The following SCOC variants were observed in gnomAD, a reference collection of about 807,000 sequenced individuals.
SCOC encodes short coiled-coil protein, also known as short coiled coil protein.
Under a neutral mutation model 9.9 loss-of-function variants are expected in SCOC, and 7 were observed. The observed-to-expected ratio is 0.71, with a 90% confidence interval of 0.40 to 1.33. The LOEUF is 1.33. Ranked by LOEUF, SCOC falls within the 40% of genes most tolerant of loss-of-function variation. The pLI, the probability that SCOC is intolerant of heterozygous loss-of-function variation, is 0.01. For missense variants in SCOC, 66 were observed against 89.7 expected (o/e 0.74, Z 1.07); for synonymous variants, 19 against 28.2 (o/e 0.67, Z 1.03).
At chr4:140,344,918 T>C (rs1374312731) in intron 2 of SCOC, among the ~76,000 whole-genome samples, 3 of 152,192 alleles carry the variant, frequency 2.0e-5, no homozygotes, top group Non-Finnish European at 4.4e-5. Flanking sequence ...TTTTTCTGCA[T>C]GGGCTGAGCC....
upstream of SCOC, among the ~76,000 whole-genome samples, chr4:140,340,029 T>C (rs1463940636): frequency 6.6e-6 from 1 of 152,174 alleles, no homozygotes; most frequent in African/African-American, 2.4e-5. Context: ...CTATTCACAA[T>C]GGTAAAGACT....
At chr4:140,346,132 G>C (rs970527673) in intron 2 of SCOC, among the ~76,000 whole-genome samples, 8 of 152,128 alleles carry the variant, frequency 5.3e-5, no homozygotes, top group African/African-American at 1.9e-4. Context: ...TCATCTTACA[G>C]TTTCTGCATG....
intron 2 of SCOC, chr4:140,366,298 CT>C: frequency 1.4e-6 from 2 of 1,442,854 alleles, no homozygotes; most frequent in East Asian, 2.4e-5. Context: ...CCCTTCTGAG[CT>C]TTTGGAGGAG....
At chr4:140,371,810 C>A (rs1728069221), upstream of SCOC, among the ~76,000 whole-genome samples, 1 of 152,188 alleles carries the variant, frequency 6.6e-6, no homozygotes, top group South Asian at 2.1e-4. Flanking sequence ...CATTTGCACA[C>A]CCATGTCCAT....
At chr4:140,336,948 G>A (rs1732973999) in intron 1 of SCOC, among the ~76,000 whole-genome samples, 1 of 152,118 alleles carries the variant, frequency 6.6e-6, no homozygotes, top group Non-Finnish European at 1.5e-5. Context: ...GGTATAAAGT[G>A]GTAGCTTATT....
intron 1 of SCOC, among the ~76,000 whole-genome samples, chr4:140,323,879 G>A (rs1732571669): frequency 6.6e-6 from 1 of 152,044 alleles, no homozygotes; most frequent in African/African-American, 2.4e-5. Context: ...GGTGAGGTAA[G>A]CATTACCCTA....
intron 2 of SCOC, among the ~76,000 whole-genome samples, chr4:140,359,747 A>C (rs2126547773): frequency 6.6e-6 from 1 of 152,358 alleles, no homozygotes; most frequent in South Asian, 2.1e-4. Flanking sequence ...AAAGATGCCC[A>C]TGCAGATATG....
At chr4:140,318,714 G>A (rs1177052082) in intron 1 of SCOC, among the ~76,000 whole-genome samples, 1 of 145,486 alleles carries the variant, frequency 6.9e-6, no homozygotes, top group Non-Finnish European at 1.5e-5. Context: ...ATTTGACCCA[G>A]CCATCCCATT....
intron 2 of SCOC, among the ~76,000 whole-genome samples, chr4:140,362,315 T>TTTG (rs1246280908): frequency 1.2e-5 from 1 of 82,102 alleles, no homozygotes; most frequent in Non-Finnish European, 2.7e-5. Context: ...TTTTTTTTTT[T>TTTG]GTGAGAGTCT....
At position 140,305,455 on chromosome 4, in the gene SCOC, C is replaced by T. The variant is rs2126458949; in HGVS notation, c.-18-38166C>T. ...AGACATTGTCTTATATCTGTATGGA[C>T]CTTAAAATTCTATTGGCCAAATAGG... On this transcript the variant is annotated intron_variant, in intron 1 of 4. Transcript: ENST00000394205. 1.3e-5 allele frequency among the ~76,000 whole-genome samples: 2 copies of T among 152,248 alleles called. 1 individual carries two copies. Among genetic ancestry groups the T allele is most frequent in the South Asian group, 4.1e-4 (2 of 4,820 alleles).
intron 1 of SCOC, among the ~76,000 whole-genome samples, chr4:140,306,226 T>C (rs1731978686): frequency 6.6e-6 from 1 of 152,124 alleles, no homozygotes; most frequent in African/African-American, 2.4e-5. Context: ...GGAACTCCCC[T>C]TTATAAAACC....
intron 1 of SCOC, among the ~76,000 whole-genome samples, chr4:140,302,101 T>G (rs1159383464): frequency 6.6e-6 from 1 of 152,190 alleles, no homozygotes; most frequent in African/African-American, 2.4e-5. Context: ...CCCAAGGTGC[T>G]GGGATTACAG....
intron 1 of SCOC, among the ~76,000 whole-genome samples, chr4:140,276,034 C>T (rs925720549): frequency 2.0e-5 from 3 of 151,696 alleles, no homozygotes; most frequent in Non-Finnish European, 2.9e-5. Flanking sequence ...GACGGAGTCT[C>T]ACGATGTTGC....
At chr4:140,265,850 A>G (rs1684897383) in intron 1 of SCOC, among the ~76,000 whole-genome samples, 2 of 152,190 alleles carry the variant, frequency 1.3e-5, no homozygotes, top group African/African-American at 4.8e-5. Flanking sequence ...AGAGGAGACC[A>G]TCTTTTGTGC....
At chr4:140,333,382 A>G (rs1732874174) in intron 1 of SCOC, among the ~76,000 whole-genome samples, 1 of 152,140 alleles carries the variant, frequency 6.6e-6, no homozygotes, top group Non-Finnish European at 1.5e-5. Context: ...TATAATGTAT[A>G]TATTTGAATA....
intron 1 of SCOC, among the ~76,000 whole-genome samples, chr4:140,266,915 G>A (rs1017522627): frequency 3.3e-5 from 5 of 152,174 alleles, no homozygotes; most frequent in South Asian, 4.2e-4. Context: ...CCTGGGGCTC[G>A]TTGTATTTTC....
intron 1 of SCOC, among the ~76,000 whole-genome samples, chr4:140,297,823 A>C (rs1365559854): frequency 1.3e-5 from 2 of 152,164 alleles, no homozygotes; most frequent in Non-Finnish European, 2.9e-5. Flanking sequence ...TGAAATTACA[A>C]GACTCGTTAA....
chr4:140,383,458 T>G lies in SCOC; in HGVS notation c.*2354T>G, dbSNP rs1033271924. 1 of 152,136 alleles carries G rather than the reference T, an allele frequency of 6.6e-6. No individual in the cohort carries two copies. Among genetic ancestry groups the G allele is most frequent in the Non-Finnish European group, 1.5e-5 (1 of 68,028 alleles). 9.4% of individuals were successfully genotyped at this position (152,136 alleles called of 1,614,324 possible). ...AAATAAAAAGTCTCAATTTGGAAAA[T>G]GGAATAAAGGGAAACGTAAAAATTG... On this transcript the variant is annotated 3_prime_UTR_variant, in exon 4 of 4. Transcript: ENST00000608372.
chr4:140,353,692 C>T (rs774610324), intron 2 of SCOC, among the ~76,000 whole-genome samples: 4 of 152,286 alleles, frequency 2.6e-5, no homozygotes, highest in South Asian at 2.1e-4. Flanking sequence ...GCCACCATGC[C>T]GGCCTAGTAT....
Sources: gnomAD v4.1 joint callset for allele counts (sites outside exome capture counted in the v4.1 genomes callset) on GRCh38, gnomAD v4.1.1 for gene constraint, MANE v1.5 for transcripts, NCBI Gene and HGNC (gene_info 2026-07-23, HGNC 2026-07-21) for gene names.